The following RAG1 variants were observed in gnomAD, a reference collection of about 807,000 sequenced individuals.
RAG1 encodes the protein recombination activating 1, also known as V(D)J recombination-activating protein 1.
RAG1 carries 35 observed loss-of-function variants against 62.7 expected under a neutral mutation model. The ratio of observed to expected loss-of-function variants is 0.56; its 90% confidence interval spans 0.43 to 0.74. The LOEUF (loss-of-function observed/expected upper bound fraction) is 0.74. Among genes scored for constraint, RAG1 ranks in the 30% least tolerant of loss-of-function variants. The pLI, the probability that RAG1 is intolerant of heterozygous loss-of-function variation, is 0.00. For missense variants in RAG1, 1,169 were observed against 1,278.6 expected, an observed-to-expected ratio of 0.91 and a Z score of 1.31; for synonymous variants, 461 against 470.3, an observed-to-expected ratio of 0.98 and a Z score of 0.26.
At chr11:36,514,354 C>T (rs1859966578) in intron 1 of RAG1, among the ~76,000 whole-genome samples, 1 of 152,210 alleles carries the variant, frequency 6.6e-6, no homozygotes, top group Admixed American at 6.5e-5. Flanking sequence ...GTGTTAGGCA[C>T]TGTTCTTAGC....
chr11:36,575,546 T>A lies in RAG1; in HGVS notation c.2242T>A (p.Ser748Thr), dbSNP rs759008821. The change falls in exon 2 of 2, where the codon TCT (serine) becomes ACT (threonine). Residue 748 changes from serine (S) to threonine (T), a missense_variant. Ser to Thr is a moderately conservative substitution (Grantham distance 58). Coordinates refer to ENST00000299440, the MANE Select transcript of RAG1 (RefSeq NM_000448.3). This position sits in a 1 kb window ranked among gnomAD's most constrained non-coding sequence, Gnocchi z 4.1. ...LEASQNLVFH[S>T]ITRSHAENLE... ...AGCCTCTCAAAATCTTGTCTTCCAC[T>A]CTATAACCAGAAGCCATGCTGAGAA... 2 of 1,614,220 alleles carry A rather than the reference T, an allele frequency of 1.2e-6. No homozygotes were observed. The highest frequency in any genetic ancestry group is 2.2e-5 in the South Asian group (2 of 91,086).
At chr11:36,535,765 A>AAAAT (rs1263996992) in intron 2 of RAG1, among the ~76,000 whole-genome samples, 1 of 151,982 alleles carries the variant, frequency 6.6e-6, no homozygotes, top group Non-Finnish European at 1.5e-5. Flanking sequence ...ATAAATAAAT[A>AAAAT]AAATAAATAA....
Position 36,573,537 on chromosome 11 carries a change from A to G in RAG1, c.233A>G (p.Gln78Arg), listed in dbSNP as rs772277798. The change falls in exon 2 of 2, where the codon CAG (glutamine) becomes CGG (arginine). Residue 78 changes from glutamine to arginine, a missense_variant. Gln to Arg is a conservative substitution (Grantham distance 43). This residue lies in a region of RAG1 where 369 missense variants were observed against 335.3 expected (regional missense o/e 1.10). Transcript: ENST00000299440. ...GATGGTCAGAAGCCAGTCCCAACTC[A>G]GCCATTGTTAAAAGCCCACCCTAAG... ...KADGQKPVPTQPLLKAHPKFS... is the reference protein window; with the variant it reads ...KADGQKPVPTRPLLKAHPKFS... The G allele has an allele frequency of 6.2e-7, 1 of 1,614,214 alleles. No individual in the cohort carries two copies. Among genetic ancestry groups the G allele is most frequent in the South Asian group, 1.1e-5 (1 of 91,088 alleles).
In RAG1 at chr11:36,574,989, A is replaced by G. The variant is rs1850818335; in HGVS notation, c.1685A>G (p.Tyr562Cys). 3 of 1,614,164 alleles carry G rather than the reference A, an allele frequency of 1.9e-6. No individual in the cohort carries two copies. The highest frequency in any genetic ancestry group is 1.7e-6 in the Non-Finnish European group (2 of 1,180,036). ...PVDTIAKRFR[Y>C]DSALVSALMD... ...GACACCATTGCAAAGAGGTTCCGCT[A>G]TGATTCAGCTTTGGTGTCTGCTTTG... The change falls in exon 2 of 2, where the codon TAT becomes TGT. Residue 562 changes from tyrosine to cysteine, a missense_variant. Physicochemically the swap from Tyr to Cys is radical, Grantham distance 194 (BLOSUM62 -2). This residue lies in a region of RAG1 where 800 missense variants were observed against 943.3 expected (regional missense o/e 0.85). Transcript: ENST00000299440.
chr11:36,574,486 G>T lies in RAG1; in HGVS notation c.1182G>T (p.Arg394=). The T allele has an allele frequency of 9.3e-6, 15 of 1,614,178 alleles. No homozygotes were observed. Among genetic ancestry groups the T allele is most frequent in the Non-Finnish European group, 1.3e-5 (15 of 1,180,052 alleles). Residue 394 remains arginine (R), a synonymous_variant, in exon 2 of 2, where the codon CGG becomes CGT. Coordinates refer to ENST00000299440, the MANE Select transcript of RAG1 (RefSeq NM_000448.3). ...EIFVHINKGG[R]PRQHLLSLTR... is the part of the protein sequence containing the mutation. Reference sequence around the variant, plus strand: ...TTGTGCACATTAATAAAGGGGGCCGGCCCCGCCAACATCTTCTGTCGCTGA... The same window carrying T: ...TTGTGCACATTAATAAAGGGGGCCGTCCCCGCCAACATCTTCTGTCGCTGA...
chr11:36,549,768 A>G (rs899544821), intron 3 of RAG1, among the ~76,000 whole-genome samples: 1 of 152,176 alleles, frequency 6.6e-6, no homozygotes, highest in Non-Finnish European at 1.5e-5. Flanking sequence ...TACTGAGTAT[A>G]TGCCCAAAGG....
chr11:36,564,763 TG>T (rs2133283879), upstream of RAG1, among the ~76,000 whole-genome samples: 1 of 152,330 alleles, frequency 6.6e-6, no homozygotes, highest in East Asian at 1.9e-4. Context: ...GTGGAGACGC[TG>T]TCTCTCCGCC....
intron 1 of RAG1, among the ~76,000 whole-genome samples, chr11:36,518,755 T>C (rs1044676750): frequency 6.6e-6 from 1 of 152,360 alleles, no homozygotes; most frequent in East Asian, 1.9e-4. Flanking sequence ...CTTTGTCAGA[T>C]GAGTAGATTG....
At chr11:36,510,598 G>A (rs1859903330), upstream of RAG1, 1 of 92,904 alleles carries the variant, frequency 1.1e-5, no homozygotes, top group African/African-American at 3.6e-5. Context: ...TCTCCAAGCA[G>A]GAGAAAACCC....
Position 36,575,756 on chromosome 11 carries a change from G to A in RAG1, c.2452G>A (p.Val818Met). 1 of 1,614,220 alleles carries A rather than the reference G, an allele frequency of 6.2e-7. No individual in the cohort carries two copies. The highest frequency in any genetic ancestry group is 8.5e-7 in the Non-Finnish European group (1 of 1,180,036). ...YKIFQLEIGE[V>M]YKNPNASKEE... is the part of the protein sequence containing the mutation. Reference sequence around the variant, plus strand: ...GATCTTCCAGCTAGAGATAGGGGAAGTGTATAAGAATCCCAATGCTTCCAA... The same window carrying A: ...GATCTTCCAGCTAGAGATAGGGGAAATGTATAAGAATCCCAATGCTTCCAA... The change falls in exon 2 of 2, where the codon GTG (valine) becomes ATG (methionine). Residue 818 changes from valine (V) to methionine (M), a missense_variant. By Grantham distance (21) the Val-to-Met change is conservative (BLOSUM62 1). Coordinates refer to ENST00000299440, the MANE Select transcript of RAG1 (RefSeq NM_000448.3). The surrounding 1 kb of genome is among the most constrained non-coding windows in gnomAD (Gnocchi z 4.1).
chr11:36,519,409 C>T (rs769879358), intron 1 of RAG1, among the ~76,000 whole-genome samples: 15 of 152,190 alleles, frequency 9.9e-5, no homozygotes, highest in Non-Finnish European at 5.9e-5. Context: ...CTTATATTTA[C>T]TTCAAACACA....
intron 2 of RAG1, among the ~76,000 whole-genome samples, chr11:36,534,558 C>T (rs1012472356): frequency 4.6e-5 from 7 of 152,146 alleles, no homozygotes; most frequent in African/African-American, 1.4e-4. Flanking sequence ...CATGGCAATC[C>T]TCACTTCTGC....
intron 1 of RAG1, among the ~76,000 whole-genome samples, chr11:36,571,973 A>T (rs1203218094): frequency 6.6e-6 from 1 of 152,154 alleles, no homozygotes; most frequent in Non-Finnish European, 1.5e-5. Flanking sequence ...AACTTCAGTA[A>T]AGCGGGGACT....
chr11:36,573,914 T>C lies in RAG1; in HGVS notation c.610T>C (p.Trp204Arg). The change falls in exon 2 of 2, where the codon TGG becomes CGG. Residue 204 changes from tryptophan to arginine, a missense_variant. Around this residue, in one of 2 missense-constraint regions of RAG1, gnomAD observed 369 missense variants for 335.3 expected, o/e 1.10. Coordinates refer to ENST00000299440, the MANE Select transcript of RAG1 (RefSeq NM_000448.3). ...VYFPRNVTME[W>R]HPHTPSCDIC... ...CTTCCCGAGGAACGTGACCATGGAGTGGCACCCCCACACACCATCCTGTGA... is the reference window on the plus strand; with the variant it reads ...CTTCCCGAGGAACGTGACCATGGAGCGGCACCCCCACACACCATCCTGTGA... 1 of 1,613,952 alleles carries C rather than the reference T, an allele frequency of 6.2e-7. No individual in the cohort carries two copies. Among genetic ancestry groups the C allele is most frequent in the Non-Finnish European group, 8.5e-7 (1 of 1,179,982 alleles).
chr11:36,523,610 A>G (rs1248388820), intron 2 of RAG1, among the ~76,000 whole-genome samples: 1 of 152,182 alleles, frequency 6.6e-6, no homozygotes, highest in African/African-American at 2.4e-5. Context: ...ACATTATCCA[A>G]TACACACCCA....
chr11:36,574,424 C>A lies in RAG1; in HGVS notation c.1120C>A (p.His374Asn), dbSNP rs1406772617. ...GGAGGTCAGTTTGGAAAAATATAAT[C>A]ACCACATCTCAAGTCACAAGGAATC... ...NEEVSLEKYN[H>N]HISSHKESKE... Residue 374 changes from histidine to asparagine, a missense_variant, in exon 2 of 2, where the codon CAC becomes AAC. This residue lies in a region of RAG1 where 800 missense variants were observed against 943.3 expected (regional missense o/e 0.85). Transcript: ENST00000299440. 1 of 1,614,098 alleles carries A rather than the reference C, an allele frequency of 6.2e-7. No individual in the cohort carries two copies. Among genetic ancestry groups the A allele is most frequent in the Non-Finnish European group, 8.5e-7 (1 of 1,180,046 alleles).
chr11:36,536,286 T>G (rs917334863), downstream of RAG1, among the ~76,000 whole-genome samples: 5 of 152,194 alleles, frequency 3.3e-5, no homozygotes, highest in African/African-American at 1.2e-4. Context: ...TACAATACAA[T>G]ATGGCAATGA....
At chr11:36,557,819 T>G (rs193238281) in intron 3 of RAG1, among the ~76,000 whole-genome samples, 2 of 152,354 alleles carry the variant, frequency 1.3e-5, no homozygotes, top group African/African-American at 4.8e-5. Flanking sequence ...TTTGTTCAAG[T>G]TGGAAACCAC....
intron 2 of RAG1, among the ~76,000 whole-genome samples, chr11:36,527,580 T>C (rs1295191709): frequency 6.6e-6 from 1 of 152,172 alleles, no homozygotes; most frequent in African/African-American, 2.4e-5. Flanking sequence ...CTTTTTTGGT[T>C]CCATATGAAC....
Sources: gnomAD v4.1 joint callset for allele counts (sites outside exome capture counted in the v4.1 genomes callset) on GRCh38, gnomAD v4.1.1 for gene constraint, gnomAD v4.1.1 regional missense constraint, Gnocchi (gnomAD v3.1) non-coding constraint, MANE v1.5 for transcripts, NCBI Gene and HGNC (gene_info 2026-07-23, HGNC 2026-07-21) for gene names.